GALNTL6: variants seen among roughly 807,000 people sequenced by gnomAD.
The protein encoded by GALNTL6 is polypeptide N-acetylgalactosaminyltransferase like 6, also known as polypeptide N-acetylgalactosaminyltransferase-like 6.
Under a neutral mutation model 73.7 loss-of-function variants are expected in GALNTL6, and 46 were observed. The ratio of observed to expected loss-of-function variants is 0.62; its 90% confidence interval spans 0.49 to 0.80. The LOEUF is 0.80. GALNTL6 is among the 30% of genes least tolerant of loss of function. GALNTL6 has a pLI of 0.00. For synonymous variants in GALNTL6, 259 were observed against 263.7 expected (o/e 0.98, Z 0.17); for missense variants, 604 against 755.0 (o/e 0.80, Z 2.34).
At chr4:172,437,018 T>G (rs1561082581) in intron 5 of GALNTL6, among the ~76,000 whole-genome samples, 2 of 152,076 alleles carry the variant, frequency 1.3e-5, no homozygotes, top group African/African-American at 2.4e-5. Context: ...CTCTATGATT[T>G]TTTGCACATA....
At chr4:172,917,436 G>T (rs954624572) in intron 8 of GALNTL6, among the ~76,000 whole-genome samples, 1 of 152,146 alleles carries the variant, frequency 6.6e-6, no homozygotes, top group Non-Finnish European at 1.5e-5. Context: ...CACAGCAAAA[G>T]AACCTACCAT....
intron 3 of GALNTL6, among the ~76,000 whole-genome samples, chr4:172,253,602 G>T (rs986684250): frequency 1.3e-5 from 2 of 151,820 alleles, no homozygotes; most frequent in African/African-American, 4.8e-5. Flanking sequence ...CAGTATAATG[G>T]GTGGCATTTC....
At chr4:172,477,206 C>T (rs914021793) in intron 5 of GALNTL6, among the ~76,000 whole-genome samples, 21 of 148,630 alleles carry the variant, frequency 1.4e-4, no homozygotes, top group African/African-American at 4.7e-4. Context: ...AGAGAGAGAG[C>T]ACTCCTAAAA....
In GALNTL6 at chr4:172,424,504, A is replaced by C. The variant is rs532553726; in HGVS notation, c.553+75815A>C. On this transcript the variant is annotated intron_variant, in intron 5 of 12. Coordinates refer to ENST00000506823, the MANE Select transcript of GALNTL6 (RefSeq NM_001034845.3). ...GACGGTGAGCTAACTATTATAAAAA[A>C]TAAATTAAAACTATAAAAACGATTT... Among the ~76,000 whole-genome samples, 6 of 152,294 alleles carry C rather than the reference A, an allele frequency of 3.9e-5. No homozygotes were observed. In the South Asian group the frequency reaches 1.2e-3, roughly 32 times the overall value.
At chr4:172,948,415 CT>C (rs1182023780) in intron 9 of GALNTL6, among the ~76,000 whole-genome samples, 2 of 151,000 alleles carry the variant, frequency 1.3e-5, no homozygotes, top group East Asian at 4.0e-4. Flanking sequence ...TTGAGGGGGG[CT>C]TTTTTGGTTT....
chr4:172,193,404 G>A lies in GALNTL6; in HGVS notation c.139-36252G>A, dbSNP rs535771602. On this transcript the variant is annotated intron_variant, in intron 2 of 12. Transcript: ENST00000506823. ...AACCCAGGAGAATGGGGTCTGGAGT[G>A]GAACCCCAGCAAACCACAGCAGCCT... Among the ~76,000 whole-genome samples the A allele has an allele frequency of 3.6e-4, 55 of 152,238 alleles. No individual in the cohort carries two copies. The South Asian group carries it at 7.3e-3, about 20-fold the overall frequency.
chr4:172,885,651 G>C (rs1439722462), intron 8 of GALNTL6, among the ~76,000 whole-genome samples: 1 of 152,102 alleles, frequency 6.6e-6, no homozygotes, highest in African/African-American at 2.4e-5. Context: ...TAGTGGAAAG[G>C]CTTTCAATTT....
intron 5 of GALNTL6, among the ~76,000 whole-genome samples, chr4:172,409,224 A>G (rs552563726): frequency 1.3e-5 from 2 of 152,164 alleles, no homozygotes; most frequent in South Asian, 4.1e-4. Context: ...CCAACTGGTG[A>G]TTTATATCCC....
chr4:172,955,797 G>A (rs970836658), intron 10 of GALNTL6, among the ~76,000 whole-genome samples: 2 of 151,594 alleles, frequency 1.3e-5, no homozygotes, highest in African/African-American at 4.9e-5. Context: ...ATTTGGGTAG[G>A]TAAAGGAAAA....
intron 5 of GALNTL6, among the ~76,000 whole-genome samples, chr4:172,471,015 T>C (rs568038094): frequency 1.3e-4 from 20 of 152,310 alleles, no homozygotes; most frequent in African/African-American, 4.6e-4. Flanking sequence ...GTTAATAAAA[T>C]GAGAAAATGA....
intron 2 of GALNTL6, among the ~76,000 whole-genome samples, chr4:172,223,563 C>G (rs1488595405): frequency 1.3e-5 from 2 of 151,886 alleles, no homozygotes; most frequent in Non-Finnish European, 2.9e-5. Flanking sequence ...GTGGCTTCAC[C>G]TTATCTTTCT....
chr4:171,814,720 T>C lies in GALNTL6; in HGVS notation c.138+2T>C. ...TCAGCGGAGCCCGGGGAGCAGCAGG[T>C]AAGTGCCACCCAGAGAAAGATCACA... On this transcript the variant is annotated splice_donor_variant, in intron 2 of 12. Transcript: ENST00000506823. LOFTEE classifies it high-confidence loss of function. 2 of 1,613,656 alleles carry C rather than the reference T, an allele frequency of 1.2e-6. No individual in the cohort carries two copies. The highest frequency in any genetic ancestry group is 1.7e-6 in the Non-Finnish European group (2 of 1,179,982).
intron 5 of GALNTL6, among the ~76,000 whole-genome samples, chr4:172,576,841 G>A (rs1165245220): frequency 1.3e-5 from 2 of 152,094 alleles, no homozygotes; most frequent in Non-Finnish European, 2.9e-5. Context: ...ATAATAAAAT[G>A]TTTCTATGTA....
chr4:172,645,306 A>G (rs187432648), intron 5 of GALNTL6, among the ~76,000 whole-genome samples: 2 of 152,184 alleles, frequency 1.3e-5, no homozygotes, highest in African/African-American at 4.8e-5. Context: ...TTATAATTTC[A>G]TCAAGAAGTT....
chr4:172,955,216 G>T (rs538888072), intron 10 of GALNTL6, among the ~76,000 whole-genome samples: 6 of 152,110 alleles, frequency 3.9e-5, no homozygotes, highest in African/African-American at 1.2e-4. Context: ...GGTGGTTCAC[G>T]CCTGTAATCC....
At chr4:171,825,839 TA>T (rs1267653235) in intron 2 of GALNTL6, among the ~76,000 whole-genome samples, 2 of 152,164 alleles carry the variant, frequency 1.3e-5, no homozygotes, top group Admixed American at 1.3e-4. Context: ...TTTTGCTTCG[TA>T]AAAAACATTC....
intron 2 of GALNTL6, among the ~76,000 whole-genome samples, chr4:172,005,669 T>C (rs1375528295): frequency 2.0e-5 from 3 of 152,056 alleles, no homozygotes; most frequent in Non-Finnish European, 4.4e-5. Flanking sequence ...AATTCTAAAA[T>C]AAGGAACATG....
intron 2 of GALNTL6, among the ~76,000 whole-genome samples, chr4:171,820,998 T>A (rs1734663760): frequency 6.6e-6 from 1 of 152,144 alleles, no homozygotes; most frequent in Non-Finnish European, 1.5e-5. Context: ...GTATGCCACA[T>A]AAGTTTTAGT....
intron 5 of GALNTL6, among the ~76,000 whole-genome samples, chr4:172,772,760 C>T (rs141586909): frequency 2.0e-5 from 3 of 151,978 alleles, no homozygotes; most frequent in Non-Finnish European, 2.9e-5. Flanking sequence ...ATTCCTGGAG[C>T]CTAGGAATAT....
Sources: gnomAD v4.1 joint callset for allele counts (sites outside exome capture counted in the v4.1 genomes callset) on GRCh38, gnomAD v4.1.1 for gene constraint, MANE v1.5 for transcripts, NCBI Gene and HGNC (gene_info 2026-07-23, HGNC 2026-07-21) for gene names.